SHISA9: variants seen among roughly 807,000 people sequenced by gnomAD.
The protein encoded by SHISA9 is shisa family member 9, also known as protein shisa-9.
In SHISA9, 13 loss-of-function variants were observed where a neutral mutation model predicts 38.0. That is an observed-to-expected ratio of 0.34 (90% confidence interval 0.22 to 0.54). SHISA9 has a LOEUF of 0.54. Among genes scored for constraint, SHISA9 ranks in the 20% least tolerant of loss-of-function variants. The pLI is 0.91. For missense variants in SHISA9, 538 were observed against 575.8 expected (o/e 0.93, Z 0.67); for synonymous variants, 275 against 242.0 (o/e 1.14, Z -1.27).
the SHISA9 span, among the ~76,000 whole-genome samples, chr16:13,476,939 C>T: frequency 6.6e-6 from 1 of 151,716 alleles, no homozygotes; most frequent in Non-Finnish European, 1.5e-5. Flanking sequence ...TTAGTAGAGA[C>T]GGGGTTTCAC....
the SHISA9 span, among the ~76,000 whole-genome samples, chr16:13,497,700 A>AG: frequency 2.0e-5 from 3 of 151,362 alleles, no homozygotes; most frequent in Non-Finnish European, 4.4e-5. Flanking sequence ...AAAAAAAAAA[A>AG]AGAAAAAAGA....
In SHISA9 at chr16:13,197,104, T is replaced by TATACACAC. The variant is rs748572860; in HGVS notation, c.692-6289_692-6288insTACACACA. Among the ~76,000 whole-genome samples, 116 of 106,578 alleles carry TATACACAC rather than the reference T, an allele frequency of 1.1e-3. 1 individual carries two copies. Among genetic ancestry groups the TATACACAC allele is most frequent in the African/African-American group, 4.8e-3 (111 of 23,212 alleles). The allele number at this position is 106,578 out of a possible 152,430, so 69.9% of individuals were successfully genotyped here. A position where few individuals can be genotyped will look rare whatever the true frequency, so the allele number is the denominator to read the frequency against. On this transcript the variant is annotated intron_variant, in intron 2 of 4. Transcript: ENST00000558583. ...GAAACTGTATCTCTCTCTCTGTACATACACACACACACACACACACACACA... is the reference window on the plus strand; with the variant it reads ...GAAACTGTATCTCTCTCTCTGTACATATACACACACACACACACACACACACACACACA...
chr16:12,969,517 G>A (rs919087040), intron 2 of SHISA9, among the ~76,000 whole-genome samples: 1 of 152,072 alleles, frequency 6.6e-6, no homozygotes, highest in African/African-American at 2.4e-5. Flanking sequence ...GCCTAGGCAG[G>A]TGGATCCCCT....
At chr16:12,903,626 G>C (rs1402584200) in intron 1 of SHISA9, among the ~76,000 whole-genome samples, 5 of 152,230 alleles carry the variant, frequency 3.3e-5, no homozygotes, top group African/African-American at 1.2e-4. Flanking sequence ...AGAGGCTGGG[G>C]GTTGGCGTGA....
intron 3 of SHISA9, among the ~76,000 whole-genome samples, chr16:13,212,042 C>T (rs2051125070): frequency 6.6e-6 from 1 of 152,106 alleles, no homozygotes; most frequent in Admixed American, 6.6e-5. Flanking sequence ...AGTTCAGATC[C>T]ACGGGGGGGA....
intron 2 of SHISA9, among the ~76,000 whole-genome samples, chr16:13,121,832 T>TACACACACAC (rs55727441): frequency 1.6e-3 from 217 of 134,482 alleles, no homozygotes; most frequent in Middle Eastern, 7.7e-3. Flanking sequence ...TATACACACA[T>TACACACACAC]ACACACACAC....
the SHISA9 span, among the ~76,000 whole-genome samples, chr16:13,438,584 A>G: frequency 6.6e-6 from 1 of 152,240 alleles, no homozygotes; most frequent in Non-Finnish European, 1.5e-5. Context: ...ATGTAACTGA[A>G]AAATTAGACA....
intron 2 of SHISA9, among the ~76,000 whole-genome samples, chr16:13,033,070 C>A (rs1296233201): frequency 1.3e-5 from 2 of 152,170 alleles, no homozygotes; most frequent in Admixed American, 1.3e-4. Flanking sequence ...TCCTGGTTCG[C>A]AACCATACAG....
At chr16:12,977,607 A>G (rs527240603) in intron 2 of SHISA9, among the ~76,000 whole-genome samples, 1 of 152,332 alleles carries the variant, frequency 6.6e-6, no homozygotes, top group East Asian at 1.9e-4. Context: ...AAAATGTGGT[A>G]CCTGTCACCA....
chr16:13,326,068 TAA>T, the SHISA9 span, among the ~76,000 whole-genome samples: 3 of 112,348 alleles, frequency 2.7e-5, no homozygotes, highest in Non-Finnish European at 3.8e-5. Context: ...AAAGTCAAAT[TAA>T]AAAAAAAAAA....
chr16:12,975,369 TGGCTG>T (rs2072143817), intron 2 of SHISA9, among the ~76,000 whole-genome samples: 1 of 152,088 alleles, frequency 6.6e-6, no homozygotes, highest in East Asian at 1.9e-4. Context: ...CTAGGTGTAG[TGGCTG>T]GCACCTGTAA....
intron 2 of SHISA9, among the ~76,000 whole-genome samples, chr16:13,166,347 CT>C (rs1237375070): frequency 6.6e-6 from 1 of 152,210 alleles, no homozygotes; most frequent in African/African-American, 2.4e-5. Flanking sequence ...CATCCCAGCC[CT>C]CTTGATAAAG....
At chr16:13,542,262 A>C in the SHISA9 span, among the ~76,000 whole-genome samples, 15 of 152,304 alleles carry the variant, frequency 9.8e-5, no homozygotes, top group Non-Finnish European at 8.8e-5. Flanking sequence ...ATTGTCTTCA[A>C]CCACTGAATT....
chr16:13,370,452 A>G, the SHISA9 span, among the ~76,000 whole-genome samples: 4 of 152,352 alleles, frequency 2.6e-5, no homozygotes, highest in Admixed American at 1.3e-4. Context: ...ATTTTCTGAC[A>G]CTATCTTGAA....
chr16:13,295,342 C>G, the SHISA9 span, among the ~76,000 whole-genome samples: 1 of 152,178 alleles, frequency 6.6e-6, no homozygotes, highest in African/African-American at 2.4e-5. Flanking sequence ...TTTTATCAGC[C>G]TGAATTCAGA....
the SHISA9 span, among the ~76,000 whole-genome samples, chr16:13,377,393 C>G: frequency 1.3e-5 from 2 of 152,312 alleles, no homozygotes; most frequent in South Asian, 2.1e-4. Context: ...CATTCATTTA[C>G]ATTTCAAACA....
intron 2 of SHISA9, among the ~76,000 whole-genome samples, chr16:12,940,894 C>G (rs565303945): frequency 2.0e-5 from 3 of 152,252 alleles, no homozygotes; most frequent in Non-Finnish European, 2.9e-5. Flanking sequence ...ACCCTTGGCA[C>G]AGTTCCTAAG....
the SHISA9 span, among the ~76,000 whole-genome samples, chr16:13,553,322 A>G: frequency 9.9e-5 from 15 of 152,176 alleles, no homozygotes; most frequent in Non-Finnish European, 1.6e-4. Flanking sequence ...TTCTATTACC[A>G]CTTCCAATAT....
At chr16:13,560,274 C>G in the SHISA9 span, among the ~76,000 whole-genome samples, 5 of 152,170 alleles carry the variant, frequency 3.3e-5, no homozygotes, top group African/African-American at 7.2e-5. Context: ...CCTGGAGATT[C>G]TCACCTGAGA....
Sources: gnomAD v4.1 joint callset for allele counts (sites outside exome capture counted in the v4.1 genomes callset) on GRCh38, gnomAD v4.1.1 for gene constraint, MANE v1.5 for transcripts, NCBI Gene and HGNC (gene_info 2026-07-23, HGNC 2026-07-21) for gene names.